Variants in SMC6 observed in about 807,000 individuals in gnomAD.
The protein encoded by SMC6 is structural maintenance of chromosomes protein 6.
Under a neutral mutation model 142.2 loss-of-function variants are expected in SMC6, and 79 were observed. The observed-to-expected ratio is 0.56, with a 90% CI of 0.46 to 0.67. SMC6 has a LOEUF of 0.67. SMC6 is among the 30% of genes least tolerant of loss of function. The pLI is 0.00. For synonymous variants in SMC6, 411 were observed against 412.4 expected (o/e 1.00, Z 0.04); for missense variants, 1,072 against 1,284.0 (o/e 0.83, Z 2.52).
intron 25 of SMC6, among the ~76,000 whole-genome samples, chr2:17,673,192 T>C (rs1666845722): frequency 6.6e-6 from 1 of 152,236 alleles, no homozygotes; most frequent in Non-Finnish European, 1.5e-5. Flanking sequence ...ACCATTTAGA[T>C]ACTTTAAAGT....
chr2:17,724,747 G>A (rs1237937338), intron 9 of SMC6, among the ~76,000 whole-genome samples: 1 of 152,198 alleles, frequency 6.6e-6, no homozygotes, highest in East Asian at 1.9e-4. Context: ...GAGTAAGGAT[G>A]TCATAGCTGC....
At chr2:17,723,910 T>A (rs1008904840) in intron 9 of SMC6, among the ~76,000 whole-genome samples, 1 of 152,176 alleles carries the variant, frequency 6.6e-6, no homozygotes, top group Admixed American at 6.6e-5. Flanking sequence ...ATACAGGGTA[T>A]TTCACCAATT....
At chr2:17,739,412 A>G (rs1180745116) in intron 4 of SMC6, among the ~76,000 whole-genome samples, 1 of 152,182 alleles carries the variant, frequency 6.6e-6, no homozygotes, top group Admixed American at 6.5e-5. Context: ...CGGAAGGCCA[A>G]GGCAGGTGGA....
chr2:17,707,103 C>A, intron 18 of SMC6, 116 bp downstream of exon 18: 1 of 755,750 alleles, frequency 1.3e-6, no homozygotes. Context: ...AGACCAAGCA[C>A]TGAGATAGAT....
chr2:17,680,734 G>A (rs1489475228), intron 24 of SMC6: 3 of 152,114 alleles, frequency 2.0e-5, no homozygotes, highest in African/African-American at 7.2e-5. Flanking sequence ...AAAATATTCA[G>A]TAATCCATGA....
chr2:17,721,146 GC>G lies in SMC6; in HGVS notation c.841del (p.Ala281GlnfsTer10). 1 of 1,611,166 alleles carries G rather than the reference GC, an allele frequency of 6.2e-7. No individual in the cohort carries two copies. The highest frequency in any genetic ancestry group is 8.5e-7 in the Non-Finnish European group (1 of 1,179,100). On this transcript the variant is annotated frameshift_variant, in exon 10 of 28. Coordinates refer to ENST00000448223, the MANE Select transcript of SMC6 (RefSeq NM_001142286.2). LOFTEE classifies it high-confidence loss of function. ...LESLKHEMAW[A>X]VVNEIEKQLN... ...AAGTAATTAAGTGATAATTACCACTGCCCAAGCCATTTCATGTTTCAAGGAC... is the reference window on the plus strand; with the variant it reads ...AAGTAATTAAGTGATAATTACCACTGCCAAGCCATTTCATGTTTCAAGGAC...
In SMC6 at chr2:17,664,348, C is replaced by T. The variant is rs1377542288; in HGVS notation, c.*1151G>A. 6.6e-6 allele frequency: 1 copy of T among 152,062 alleles called. No individual in the cohort carries two copies. Among genetic ancestry groups the T allele is most frequent in the Non-Finnish European group, 1.5e-5 (1 of 67,998 alleles). 9.4% of individuals were successfully genotyped at this position (152,062 alleles called of 1,614,324 possible). A position where few individuals can be genotyped will look rare whatever the true frequency, so the allele number is the denominator to read the frequency against. On this transcript the variant is annotated 3_prime_UTR_variant, in exon 28 of 28. Coordinates refer to ENST00000448223, the MANE Select transcript of SMC6 (RefSeq NM_001142286.2). ...AAGTATCTTAAACTTCTTCCTCCACCAAAAACACAAACAAAGTCCAGTTTT... is the reference window on the plus strand; with the variant it reads ...AAGTATCTTAAACTTCTTCCTCCACTAAAAACACAAACAAAGTCCAGTTTT...
chr2:17,701,161 C>CTTTTTTTTT (rs1160136424), intron 20 of SMC6, among the ~76,000 whole-genome samples: 3 of 151,408 alleles, frequency 2.0e-5, no homozygotes, highest in South Asian at 2.1e-4. Context: ...GAGACAAATT[C>CTTTTTTTTT]TAATCAGGGT....
intron 4 of SMC6, chr2:17,740,959 T>C (rs1445666021): frequency 7.0e-6 from 2 of 286,440 alleles, no homozygotes; most frequent in Non-Finnish European, 1.4e-5. Flanking sequence ...CTCTTTAACA[T>C]GACATTCAAG....
At chr2:17,750,485 T>G (rs1337845089) in intron 2 of SMC6, among the ~76,000 whole-genome samples, 1 of 152,226 alleles carries the variant, frequency 6.6e-6, no homozygotes, top group African/African-American at 2.4e-5. Flanking sequence ...ATGACTTGAA[T>G]TTATGTAGCT....
At chr2:17,677,736 C>G (rs1020172816) in intron 25 of SMC6, among the ~76,000 whole-genome samples, 1 of 152,234 alleles carries the variant, frequency 6.6e-6, no homozygotes, top group Admixed American at 6.5e-5. Flanking sequence ...AAAATTGTAT[C>G]TTTAATAAAT....
chr2:17,746,011 C>T, intron 2 of SMC6, 60 bp from the exon 3 acceptor site: 4 of 1,379,498 alleles, frequency 2.9e-6, no homozygotes, highest in African/African-American at 1.5e-5. Flanking sequence ...TTAAACTCAA[C>T]AAAATAAATC....
rs567706919 is a variant in SMC6 at position 17,702,015 on chromosome 2, G to A, written c.2143-106C>T. 19 of 624,022 alleles carry A rather than the reference G, an allele frequency of 3.0e-5. No individual in the cohort carries two copies. In the African/African-American group the frequency reaches 3.2e-4, roughly 10 times the overall value. 38.7% of individuals were successfully genotyped at this position (624,022 alleles called of 1,614,324 possible). On this transcript the variant is annotated intron_variant, in intron 19 of 27. Transcript: ENST00000448223. Reference sequence around the variant, plus strand: ...AAGCTCTATAATGATGATACAGAAGGATTCCATAATTAATGAAAGGGGTAC... The same window carrying A: ...AAGCTCTATAATGATGATACAGAAGAATTCCATAATTAATGAAAGGGGTAC...
chr2:17,731,936 T>C, intron 5 of SMC6, 59 bp from the exon 6 acceptor site: 1 of 1,523,230 alleles, frequency 6.6e-7, no homozygotes, highest in Non-Finnish European at 8.8e-7. Context: ...CAATACTAGG[T>C]TGCCACAGTT....
At chr2:17,729,157 AACATGTAATCAAT>A (rs1669783898) in intron 7 of SMC6, among the ~76,000 whole-genome samples, 1 of 152,232 alleles carries the variant, frequency 6.6e-6, no homozygotes, top group Non-Finnish European at 1.5e-5. Flanking sequence ...TTATCATTGT[AACATGTAATCAAT>A]ATAAAAAACT....
chr2:17,706,689 C>T (rs1668526961), intron 18 of SMC6, among the ~76,000 whole-genome samples: 1 of 152,046 alleles, frequency 6.6e-6, no homozygotes, highest in Admixed American at 6.6e-5. Flanking sequence ...TTTTTGCATG[C>T]TCATGAATCT....
intron 18 of SMC6, among the ~76,000 whole-genome samples, chr2:17,705,972 C>T (rs1402555905): frequency 6.6e-6 from 1 of 152,158 alleles, no homozygotes; most frequent in East Asian, 1.9e-4. Context: ...GTCTCCACAG[C>T]ACTGATCACC....
In SMC6 at chr2:17,667,350, T is replaced by G. The variant is rs181738268; in HGVS notation, c.3064-833A>C. ...CCAATTTCTCAATTATATCTTTAAATAAGTTAAATAGCACATCAGGGTATA... is the reference window on the plus strand; with the variant it reads ...CCAATTTCTCAATTATATCTTTAAAGAAGTTAAATAGCACATCAGGGTATA... On this transcript the variant is annotated intron_variant, in intron 26 of 27. Transcript: ENST00000448223. Among the ~76,000 whole-genome samples, 150 of 152,364 alleles carry G rather than the reference T, an allele frequency of 9.8e-4. 1 individual carries two copies. The highest frequency in any genetic ancestry group is 6.8e-3 in the Middle Eastern group (2 of 294).
intron 23 of SMC6, among the ~76,000 whole-genome samples, chr2:17,689,996 T>C (rs1667631019): frequency 6.6e-6 from 1 of 152,218 alleles, no homozygotes; most frequent in Non-Finnish European, 1.5e-5. Flanking sequence ...TGCATGTCTA[T>C]GGCAATTGGA....
Sources: allele counts gnomAD v4.1 joint callset (sites outside exome capture counted in the v4.1 genomes callset), GRCh38; gene constraint gnomAD v4.1.1; transcripts MANE v1.5; gene names NCBI Gene and HGNC (gene_info 2026-07-23, HGNC 2026-07-21).